DCAF10: variants seen among roughly 807,000 people sequenced by gnomAD.
The protein encoded by DCAF10 is DDB1- and CUL4-associated factor 10.
Under a neutral mutation model 51.9 loss-of-function variants are expected in DCAF10, and 19 were observed. The ratio of observed to expected loss-of-function variants is 0.37; its 90% CI spans 0.26 to 0.54. The LOEUF (loss-of-function observed/expected upper bound fraction) is 0.54, where lower values mean the gene tolerates loss of function less well. Ranked by LOEUF, DCAF10 falls within the 20% of genes least tolerant of loss-of-function variation. The pLI is 0.87. For missense variants in DCAF10, 510 were observed against 730.6 expected, an observed-to-expected ratio of 0.70 and a Z score of 3.48; for synonymous variants, 291 against 297.1, an observed-to-expected ratio of 0.98 and a Z score of 0.21.
chr9:37,850,772 A>T (rs1322238232), intron 3 of DCAF10, among the ~76,000 whole-genome samples: 1 of 143,198 alleles, frequency 7.0e-6, no homozygotes. Flanking sequence ...GAAATTTGTT[A>T]AAAGTAGATT....
chr9:37,806,102 AAAAT>A (rs1168005794), intron 1 of DCAF10, among the ~76,000 whole-genome samples: 3 of 152,206 alleles, frequency 2.0e-5, no homozygotes, highest in African/African-American at 7.2e-5. Context: ...ATAAAATTAA[AAAAT>A]AAATAAAAGA....
rs34050094 is a variant in DCAF10 at position 37,842,280 on chromosome 9, C to T, written c.845C>T (p.Thr282Ile). 6.2e-7 allele frequency: 1 copy of T among 1,612,012 alleles called. No individual in the cohort carries two copies. Among genetic ancestry groups the T allele is most frequent in the Non-Finnish European group, 8.5e-7 (1 of 1,179,370 alleles). The change falls in exon 3 of 7, where the codon ACT becomes ATT. Residue 282 changes from threonine to isoleucine, a missense_variant. Thr to Ile is a moderately conservative substitution (Grantham distance 89). This residue lies in a region of DCAF10 where 126 missense variants were observed against 271.5 expected (regional missense o/e 0.46). Transcript: ENST00000377724. Reference sequence around the variant, plus strand: ...GATGGAAATGTCATTATTTGGGACACTAACAGGTTTGTGAATAGGAGACCA... The same window carrying T: ...GATGGAAATGTCATTATTTGGGACATTAACAGGTTTGTGAATAGGAGACCA... ...GFDGNVIIWDTNRYTEDGCPH... is the reference protein window; with the variant it reads ...GFDGNVIIWDINRYTEDGCPH...
intron 3 of DCAF10, among the ~76,000 whole-genome samples, chr9:37,842,571 C>T (rs1830364552): frequency 6.6e-6 from 1 of 152,168 alleles, no homozygotes; most frequent in Non-Finnish European, 1.5e-5. Flanking sequence ...TGTTATTTCT[C>T]CTGTGAAACT....
rs756583093 is a variant in DCAF10 at position 37,829,554 on chromosome 9, A to G, written c.653+10153A>G. Among the ~76,000 whole-genome samples, 1 of 152,222 alleles carries G rather than the reference A, an allele frequency of 6.6e-6. No homozygotes were observed. The highest frequency in any genetic ancestry group is 1.5e-5 in the Non-Finnish European group (1 of 68,032). ...GAAGTACAAATAAAAATAACAGTAA[A>G]TACCAAGTATTGGCAGAAAAATACT... On this transcript the variant is annotated intron_variant, in intron 2 of 6. Coordinates refer to ENST00000377724, the MANE Select transcript of DCAF10 (RefSeq NM_024345.5). The surrounding 1 kb of genome is among the most constrained non-coding windows in gnomAD (Gnocchi z 4.2).
At chr9:37,818,392 G>A (rs1207215098) in intron 1 of DCAF10, among the ~76,000 whole-genome samples, 3 of 151,948 alleles carry the variant, frequency 2.0e-5, no homozygotes, top group South Asian at 2.1e-4. Flanking sequence ...TCTTATGTAC[G>A]TTCATCTTAG....
intron 4 of DCAF10, among the ~76,000 whole-genome samples, chr9:37,855,621 T>C (rs1830824255): frequency 6.6e-6 from 1 of 152,224 alleles, no homozygotes; most frequent in Non-Finnish European, 1.5e-5. Flanking sequence ...TGTGGGGACA[T>C]ACCCATCATT....
rs532368909 is a variant in DCAF10 at position 37,828,641 on chromosome 9, C to A, written c.653+9240C>A. On this transcript the variant is annotated intron_variant, in intron 2 of 6. Transcript: ENST00000377724. The stretch of plus-strand genomic sequence containing the variant: ...CAAGAGCGAGGCATGGTGGTGCATG[C>A]CTATAGTATGTAGTCTTAAAACAGG... Among the ~76,000 whole-genome samples, 4 of 152,072 alleles carry A rather than the reference C, an allele frequency of 2.6e-5. No individual in the cohort carries two copies. In the East Asian group the frequency reaches 7.7e-4, roughly 29 times the overall value.
intron 2 of DCAF10, chr9:37,836,470 G>A: frequency 8.4e-7 from 1 of 1,194,562 alleles, no homozygotes; most frequent in Non-Finnish European, 1.2e-6. Flanking sequence ...TAAGTGGAGA[G>A]TGCTTCCAGC....
chr9:37,838,730 A>G (rs533918130), intron 2 of DCAF10, among the ~76,000 whole-genome samples: 48 of 152,018 alleles, frequency 3.2e-4, no homozygotes, highest in Non-Finnish European at 6.2e-4. Flanking sequence ...GTCTCTACTA[A>G]AAATACAAAA....
intron 3 of DCAF10, among the ~76,000 whole-genome samples, chr9:37,847,276 A>T (rs1440567137): frequency 6.9e-6 from 1 of 145,730 alleles, no homozygotes; most frequent in East Asian, 1.9e-4. Flanking sequence ...AAAAAAAAAA[A>T]AGAATAGAAA....
intron 2 of DCAF10, among the ~76,000 whole-genome samples, chr9:37,840,101 A>G (rs1171503990): frequency 1.3e-5 from 2 of 152,224 alleles, no homozygotes; most frequent in African/African-American, 2.4e-5. Flanking sequence ...CCTGGAGGGC[A>G]TAACAGCTGA....
rs1180407584 is a variant in DCAF10 at position 37,865,142 on chromosome 9, A to T, written c.*3634A>T. The T allele has an allele frequency of 2.0e-5, 3 of 152,160 alleles. No individual in the cohort carries two copies. The highest frequency in any genetic ancestry group is 6.5e-5 in the Admixed American group (1 of 15,274). The allele number at this position is 152,160 out of a possible 1,614,324, so 9.4% of individuals were successfully genotyped here. A position where few individuals can be genotyped will look rare whatever the true frequency, so the allele number is the denominator to read the frequency against. Reference sequence around the variant, plus strand: ...CATGTAAAAAAAATTCATAAGATTAACAATTTCCATGAGAATATCATAAAC... The same window carrying T: ...CATGTAAAAAAAATTCATAAGATTATCAATTTCCATGAGAATATCATAAAC... On this transcript the variant is annotated 3_prime_UTR_variant, in exon 7 of 7. Coordinates refer to ENST00000377724, the MANE Select transcript of DCAF10 (RefSeq NM_024345.5).
At chr9:37,808,459 TATATA>T (rs1201621751) in intron 1 of DCAF10, among the ~76,000 whole-genome samples, 1 of 107,700 alleles carries the variant, frequency 9.3e-6, no homozygotes, top group African/African-American at 3.2e-5. Flanking sequence ...AAGTATATTA[TATATA>T]ATATAAAATA....
In DCAF10 at chr9:37,863,835, G is replaced by A. The variant is rs1044462244; in HGVS notation, c.*2327G>A. 1 of 152,204 alleles carries A rather than the reference G, an allele frequency of 6.6e-6. No homozygotes were observed. The highest frequency in any genetic ancestry group is 1.5e-5 in the Non-Finnish European group (1 of 68,038). The allele number at this position is 152,204 out of a possible 1,614,324, so 9.4% of individuals were successfully genotyped here. ...AACTAACTATTCACACACATTTATA[G>A]AGGTTATAAGGATCTTGGCTCTAGA... is the stretch of plus-strand genomic sequence containing the variant. On this transcript the variant is annotated 3_prime_UTR_variant, in exon 7 of 7. Coordinates refer to ENST00000377724, the MANE Select transcript of DCAF10 (RefSeq NM_024345.5).
chr9:37,820,416 C>T lies in DCAF10; in HGVS notation c.653+1015C>T, dbSNP rs192329885. Among the ~76,000 whole-genome samples, 31 of 152,166 alleles carry T rather than the reference C, an allele frequency of 2.0e-4. No homozygotes were observed. The East Asian group carries it at 5.8e-3, about 28-fold the overall frequency. ...TTAAGAAGTGCTTAAGTGTTTCATG[C>T]GAGGCAGGAACCAGAGCCAGAATCA... is the stretch of plus-strand genomic sequence containing the variant. On this transcript the variant is annotated intron_variant, in intron 2 of 6. Coordinates refer to ENST00000377724, the MANE Select transcript of DCAF10 (RefSeq NM_024345.5).
chr9:37,852,930 T>TTATA (rs59469290), intron 3 of DCAF10, among the ~76,000 whole-genome samples: 5,162 of 108,404 alleles, frequency 0.048, 166 homozygotes, highest in Non-Finnish European at 0.052. Flanking sequence ...GTATGTGAGG[T>TTATA]TATATATATA....
chr9:37,822,631 G>A (rs1415811315), intron 2 of DCAF10, among the ~76,000 whole-genome samples: 1 of 151,860 alleles, frequency 6.6e-6, no homozygotes. Flanking sequence ...ATAGACTTTG[G>A]GGACTTAAGG....
At chr9:37,832,815 T>A (rs961638415) in intron 2 of DCAF10, among the ~76,000 whole-genome samples, 2 of 152,330 alleles carry the variant, frequency 1.3e-5, no homozygotes, top group East Asian at 1.9e-4. Context: ...TTGGGAAAAT[T>A]GATGAGGCCC....
At chr9:37,850,852 AT>A (rs1830622419) in intron 3 of DCAF10, among the ~76,000 whole-genome samples, 1 of 100,670 alleles carries the variant, frequency 9.9e-6, no homozygotes, top group Non-Finnish European at 2.0e-5. Context: ...ATATATATAT[AT>A]ATATATATAT....
Sources: gnomAD v4.1 joint callset for allele counts (sites outside exome capture counted in the v4.1 genomes callset) on GRCh38, gnomAD v4.1.1 for gene constraint, gnomAD v4.1.1 regional missense constraint, Gnocchi (gnomAD v3.1) non-coding constraint, MANE v1.5 for transcripts, NCBI Gene and HGNC (gene_info 2026-07-23, HGNC 2026-07-21) for gene names.